Variants in CNTNAP4 observed in about 807,000 individuals in gnomAD.
CNTNAP4 encodes contactin-associated protein-like 4.
A neutral mutation model predicts 148.4 loss-of-function variants in CNTNAP4; 98 were observed. The ratio of observed to expected loss-of-function variants is 0.66; its 90% CI spans 0.56 to 0.78. The LOEUF is 0.78. Among genes scored for constraint, CNTNAP4 ranks in the 30% least tolerant of loss-of-function variants. CNTNAP4 has a pLI of 0.00. For missense variants in CNTNAP4, 1,935 were observed against 1,565.6 expected, an observed-to-expected ratio of 1.24 and a Z score of -3.98; for synonymous variants, 730 against 565.1, an observed-to-expected ratio of 1.29 and a Z score of -4.14.
intron 15 of CNTNAP4, among the ~76,000 whole-genome samples, chr16:76,501,880 C>A (rs2082661158): frequency 6.6e-6 from 1 of 152,010 alleles, no homozygotes; most frequent in African/African-American, 2.4e-5. Flanking sequence ...ACCATCCCGG[C>A]TAAACGGTGA....
chr16:76,508,753 CTTTTT>C (rs373123073), intron 15 of CNTNAP4, among the ~76,000 whole-genome samples: 1 of 70,942 alleles, frequency 1.4e-5, no homozygotes, highest in Admixed American at 1.7e-4. Flanking sequence ...AAAATCATAA[CTTTTT>C]TTTTTTTTTT....
At chr16:76,429,876 G>A (rs2079549433) in intron 4 of CNTNAP4, among the ~76,000 whole-genome samples, 1 of 152,186 alleles carries the variant, frequency 6.6e-6, no homozygotes, top group African/African-American at 2.4e-5. Context: ...CTGGAAGCCA[G>A]CAGGATTTTA....
intron 3 of CNTNAP4, among the ~76,000 whole-genome samples, chr16:76,394,423 G>A (rs2078128487): frequency 6.6e-6 from 1 of 152,182 alleles, no homozygotes; most frequent in African/African-American, 2.4e-5. Context: ...TGATAAAAAT[G>A]GAAAATCTTG....
intron 3 of CNTNAP4, among the ~76,000 whole-genome samples, chr16:76,364,890 T>A (rs1038181469): frequency 6.6e-6 from 1 of 152,168 alleles, no homozygotes; most frequent in Non-Finnish European, 1.5e-5. Flanking sequence ...TAGATCCCAT[T>A]TGTCTATTTT....
chr16:76,391,617 C>G (rs984488481), intron 3 of CNTNAP4, among the ~76,000 whole-genome samples: 8 of 152,218 alleles, frequency 5.3e-5, no homozygotes, highest in Admixed American at 2.0e-4. Context: ...AGTGCAGACT[C>G]CAAGATCCCA....
intron 15 of CNTNAP4, among the ~76,000 whole-genome samples, chr16:76,511,596 C>T (rs1341832448): frequency 1.3e-5 from 2 of 152,114 alleles, no homozygotes; most frequent in Non-Finnish European, 2.9e-5. Flanking sequence ...CTCCACTATG[C>T]TTGATAATTC....
chr16:76,488,399 C>T (rs940211871), intron 12 of CNTNAP4, among the ~76,000 whole-genome samples: 6 of 152,090 alleles, frequency 3.9e-5, no homozygotes, highest in Non-Finnish European at 7.4e-5. Context: ...GCTATTGTTT[C>T]GCAGAAAAAT....
At chr16:76,538,468 G>A (rs1209708213) in intron 19 of CNTNAP4, 128 bp downstream of exon 19, 2 of 677,442 alleles carry the variant, frequency 3.0e-6, no homozygotes, top group Non-Finnish European at 5.0e-6. Context: ...GTTTTTTGTA[G>A]TCATATTTTT....
At chr16:76,427,989 G>A (rs549128590) in intron 4 of CNTNAP4, among the ~76,000 whole-genome samples, 47 of 152,132 alleles carry the variant, frequency 3.1e-4, no homozygotes, top group African/African-American at 8.9e-4. Context: ...TAGTTTAACC[G>A]TCATGTTATG....
chr16:76,393,861 A>T (rs1265686467), intron 3 of CNTNAP4, among the ~76,000 whole-genome samples: 5 of 152,230 alleles, frequency 3.3e-5, no homozygotes, highest in Admixed American at 3.3e-4. Context: ...GCTATAAAAT[A>T]GCTTAAACAT....
chr16:76,467,886 A>G (rs1029501217), intron 10 of CNTNAP4, among the ~76,000 whole-genome samples: 3 of 152,226 alleles, frequency 2.0e-5, no homozygotes, highest in African/African-American at 4.8e-5. Flanking sequence ...TCAGGTACCA[A>G]TAAATTTGAG....
chr16:76,513,180 G>A (rs972579902), intron 15 of CNTNAP4, among the ~76,000 whole-genome samples: 3 of 152,172 alleles, frequency 2.0e-5, no homozygotes, highest in African/African-American at 7.2e-5. Flanking sequence ...AGGAGAAAAT[G>A]GAGAACACAG....
intron 2 of CNTNAP4, among the ~76,000 whole-genome samples, chr16:76,352,360 A>G (rs2011923235): frequency 6.6e-6 from 1 of 152,128 alleles, no homozygotes; most frequent in Admixed American, 6.6e-5. Context: ...GTCCATTGTA[A>G]ACTACAGGGA....
At chr16:76,311,591 A>G (rs1001926995) in intron 1 of CNTNAP4, among the ~76,000 whole-genome samples, 10 of 152,208 alleles carry the variant, frequency 6.6e-5, no homozygotes, top group African/African-American at 2.2e-4. Flanking sequence ...ACTGATATCA[A>G]GGTCTATGTG....
intron 3 of CNTNAP4, among the ~76,000 whole-genome samples, chr16:76,394,266 G>C (rs1297328796): frequency 6.6e-6 from 1 of 152,064 alleles, no homozygotes; most frequent in African/African-American, 2.4e-5. Context: ...TGTTTAAATG[G>C]GGTTTATTCT....
intron 4 of CNTNAP4, among the ~76,000 whole-genome samples, chr16:76,433,148 T>A (rs2079673180): frequency 6.6e-6 from 1 of 152,158 alleles, no homozygotes; most frequent in Admixed American, 6.6e-5. Flanking sequence ...CATTCTTTTT[T>A]TGTTATTAGT....
intron 1 of CNTNAP4, among the ~76,000 whole-genome samples, chr16:76,312,883 C>T (rs767973862): frequency 6.6e-5 from 10 of 152,180 alleles, no homozygotes; most frequent in Non-Finnish European, 1.0e-4. Context: ...CTTCCTAGCA[C>T]AGAGTGCTCT....
chr16:76,416,122 A>G (rs918283616), intron 3 of CNTNAP4, among the ~76,000 whole-genome samples: 2 of 150,944 alleles, frequency 1.3e-5, no homozygotes, highest in African/African-American at 4.9e-5. Context: ...TTCATTTGTG[A>G]TATTGATAAT....
At chr16:76,474,322 A>G (rs1240555476) in intron 10 of CNTNAP4, among the ~76,000 whole-genome samples, 1 of 152,182 alleles carries the variant, frequency 6.6e-6, no homozygotes, top group Non-Finnish European at 1.5e-5. Flanking sequence ...TCTGAAGGGG[A>G]CAAAGAAAGA....
Sources: allele counts gnomAD v4.1 joint callset (sites outside exome capture counted in the v4.1 genomes callset), GRCh38; gene constraint gnomAD v4.1.1; transcripts MANE v1.5; gene names NCBI Gene and HGNC (gene_info 2026-07-23, HGNC 2026-07-21).